Variants in EPB42 observed in about 807,000 individuals in gnomAD.
The protein encoded by EPB42 is erythrocyte membrane protein band 4.2, also known as protein 4.2.
EPB42 carries 49 observed loss-of-function variants against 76.9 expected under a neutral mutation model. That is an observed-to-expected ratio of 0.64 (90% CI 0.51 to 0.81). EPB42 has a LOEUF of 0.81. Among genes scored for constraint, EPB42 ranks in the 30% least tolerant of loss-of-function variants. EPB42 has a pLI of 0.00. For synonymous variants in EPB42, 310 were observed against 338.4 expected, an observed-to-expected ratio of 0.92 and a Z score of 0.92; for missense variants, 731 against 867.6, an observed-to-expected ratio of 0.84 and a Z score of 1.98.
intron 1 of EPB42, 154 bp downstream of exon 1, chr15:43,220,662 A>ACCCCC: frequency 3.4e-5 from 9 of 262,870 alleles, no homozygotes; most frequent in South Asian, 7.9e-5. Context: ...CCCCCCCCAC[A>ACCCCC]GCCACCTCAT....
intron 4 of EPB42, 118 bp downstream of exon 4, chr15:43,211,298 G>A: frequency 1.3e-6 from 1 of 784,284 alleles, no homozygotes; most frequent in Non-Finnish European, 2.4e-6. Context: ...AGCTGAAATG[G>A]GCTAAAGAAA....
rs999503379 is a variant in EPB42 at position 43,205,600 on chromosome 15, A to G, written c.1618+730T>C. 1.3e-5 allele frequency among the ~76,000 whole-genome samples: 2 copies of G among 152,040 alleles called. 1 individual carries two copies. Among genetic ancestry groups the G allele is most frequent in the Non-Finnish European group, 2.9e-5 (2 of 68,004 alleles). ...TTTTTAGTAGAGTCGGGGTTTCACC[A>G]TGTTGCCCAGGCTGATCTTGAACTC... On this transcript the variant is annotated intron_variant, in intron 10 of 12. Coordinates refer to ENST00000441366, the MANE Select transcript of EPB42 (RefSeq NM_001114134.2).
At chr15:43,220,567 G>A (rs2042442367) in intron 1 of EPB42, among the ~76,000 whole-genome samples, 1 of 150,946 alleles carries the variant, frequency 6.6e-6, no homozygotes, top group South Asian at 2.1e-4. Flanking sequence ...CATCACCTCC[G>A]CCTCCGCCTC....
Position 43,207,248 on chromosome 15 carries a change from C to A in EPB42, c.1269G>T (p.Val423=), listed in dbSNP as rs1567275372. Residue 423 remains valine, a synonymous_variant, in exon 9 of 13, where the codon GTG becomes GTT. Coordinates refer to ENST00000441366, the MANE Select transcript of EPB42 (RefSeq NM_001114134.2). ...YVGNNISTKG[V]GSDRCEDITQ... is the part of the protein sequence containing the mutation. Reference sequence around the variant, plus strand: ...TGATGTCCTCGCAGCGGTCACTGCCCACACCCTTGGTGCTGATGTTGTTGC... The same window carrying A: ...TGATGTCCTCGCAGCGGTCACTGCCAACACCCTTGGTGCTGATGTTGTTGC... 6.2e-7 allele frequency: 1 copy of A among 1,614,094 alleles called. No individual in the cohort carries two copies.
upstream of EPB42, among the ~76,000 whole-genome samples, chr15:43,225,376 G>A (rs2042498865): frequency 6.6e-6 from 1 of 152,182 alleles, no homozygotes; most frequent in South Asian, 2.1e-4. Context: ...CACCACAGAG[G>A]GCCCCTTACC....
At chr15:43,203,392 AT>A in intron 10 of EPB42, 117 bp from the exon 11 acceptor site, 1 of 1,310,360 alleles carries the variant, frequency 7.6e-7, no homozygotes. Context: ...AAGATGCACC[AT>A]TTTCCCCAGC....
Position 43,210,361 on chromosome 15 carries a change from G to A in EPB42, c.628C>T (p.His210Tyr). ...AAGGCACCCAACACACGGGCCACGT[G>A]CACCGGCTGGCTCCACTTCTCTACC... is the stretch of plus-strand genomic sequence containing the variant. ...KQVEKWSQPVHVARVLGALLH... is the reference protein window; with the variant it reads ...KQVEKWSQPVYVARVLGALLH... Residue 210 changes from histidine (H) to tyrosine (Y), a missense_variant, in exon 5 of 13, where the codon CAC (histidine) becomes TAC (tyrosine). Coordinates refer to ENST00000441366, the MANE Select transcript of EPB42 (RefSeq NM_001114134.2). The A allele has an allele frequency of 6.2e-7, 1 of 1,613,708 alleles. No individual in the cohort carries two copies.
At chr15:43,224,663 AG>A (rs2142339677), upstream of EPB42, among the ~76,000 whole-genome samples, 1 of 152,376 alleles carries the variant, frequency 6.6e-6, no homozygotes, top group Admixed American at 6.5e-5. Context: ...TCCATGCATA[AG>A]GTATTAGGTA....
At chr15:43,209,748 C>A in intron 5 of EPB42, 1 of 397,858 alleles carries the variant, frequency 2.5e-6, no homozygotes, top group Non-Finnish European at 4.5e-6. Flanking sequence ...TCTTAGTCCT[C>A]CACCCTGACT....
At chr15:43,200,973 C>T (rs2042116134) in intron 12 of EPB42, among the ~76,000 whole-genome samples, 1 of 152,162 alleles carries the variant, frequency 6.6e-6, no homozygotes, top group Admixed American at 6.5e-5. Context: ...TGCCACTGTG[C>T]CCGGCTAATT....
At chr15:43,203,055 C>T (rs1567271984) in intron 11 of EPB42, 60 bp downstream of exon 11, 2 of 1,605,964 alleles carry the variant, frequency 1.2e-6, no homozygotes, top group Non-Finnish European at 1.7e-6. Flanking sequence ...TGGATTCCTT[C>T]TGAAATGGGG....
intron 4 of EPB42, 117 bp downstream of exon 4, chr15:43,211,299 G>T: frequency 2.5e-6 from 2 of 785,788 alleles, no homozygotes; most frequent in Non-Finnish European, 2.3e-6. Flanking sequence ...GCTGAAATGG[G>T]CTAAAGAAAT....
intron 11 of EPB42, 134 bp from the exon 12 acceptor site, chr15:43,202,111 GTCT>G: frequency 8.3e-7 from 1 of 1,209,818 alleles, no homozygotes; most frequent in Non-Finnish European, 1.2e-6. Context: ...CACAGCTGAT[GTCT>G]TCTACCGCTC....
At position 43,210,369 on chromosome 15, in the gene EPB42, T is replaced by C. The variant is rs758323919; in HGVS notation, c.620A>G (p.Gln207Arg). 8.1e-5 allele frequency: 130 copies of C among 1,613,782 alleles called. No homozygotes were observed. Among genetic ancestry groups the C allele is most frequent in the Non-Finnish European group, 1.1e-4 (126 of 1,179,990 alleles). ...SKDKQVEKWSQPVHVARVLGA... is the reference protein window; with the variant it reads ...SKDKQVEKWSRPVHVARVLGA... ...CAACACACGGGCCACGTGCACCGGC[T>C]GGCTCCACTTCTCTACCTGCTTGTC... Residue 207 changes from glutamine to arginine, a missense_variant, in exon 5 of 13, where the codon CAG becomes CGG. Transcript: ENST00000441366.
upstream of EPB42, among the ~76,000 whole-genome samples, chr15:43,225,686 TTCTC>T (rs1347943830): frequency 6.6e-6 from 1 of 152,220 alleles, no homozygotes; most frequent in Non-Finnish European, 1.5e-5. Flanking sequence ...CATTAGCTAT[TTCTC>T]TGTCAAGTGT....
upstream of EPB42, among the ~76,000 whole-genome samples, chr15:43,225,285 G>C (rs2042497940): frequency 6.6e-6 from 1 of 152,204 alleles, no homozygotes; most frequent in African/African-American, 2.4e-5. Flanking sequence ...TTTGTGCCAT[G>C]AACTTGTATT....
At chr15:43,218,323 G>C (rs2142325795) in intron 1 of EPB42, among the ~76,000 whole-genome samples, 1 of 152,132 alleles carries the variant, frequency 6.6e-6, no homozygotes, top group East Asian at 1.9e-4. Context: ...TACGGCAAGA[G>C]TCACTAGAAT....
At position 43,220,814 on chromosome 15, in the gene EPB42, A is replaced by T. The variant is rs758841296; in HGVS notation, c.10+2T>A. The T allele has an allele frequency of 6.2e-7, 1 of 1,611,738 alleles. No homozygotes were observed. Among genetic ancestry groups the T allele is most frequent in the South Asian group, 1.1e-5 (1 of 91,072 alleles). ...GCCCTGTCGAGCGCTGGCTTGGCTC[A>T]CCCTGTCCCATGGTTGCAGGCCGCT... On this transcript the variant is annotated splice_donor_variant, in intron 1 of 12. Transcript: ENST00000441366. LOFTEE classifies it high-confidence loss of function.
intron 7 of EPB42, 133 bp from the exon 8 acceptor site, chr15:43,208,466 T>A: frequency 7.2e-7 from 1 of 1,386,258 alleles, no homozygotes; most frequent in South Asian, 1.2e-5. Context: ...GCTGTGGCAC[T>A]CCCAGGAAGG....
Sources: gnomAD v4.1 joint callset for allele counts (sites outside exome capture counted in the v4.1 genomes callset) on GRCh38, gnomAD v4.1.1 for gene constraint, MANE v1.5 for transcripts, NCBI Gene and HGNC (gene_info 2026-07-23, HGNC 2026-07-21) for gene names.